The following DLGAP2 variants were observed in gnomAD, a reference collection of about 807,000 sequenced individuals.
The protein encoded by DLGAP2 is DLG associated protein 2.
In DLGAP2, 26 loss-of-function variants were observed where a neutral mutation model predicts 100.3. The ratio of observed to expected loss-of-function variants is 0.26; its 90% CI spans 0.19 to 0.36. DLGAP2 has a LOEUF of 0.36. Among genes scored for constraint, DLGAP2 ranks in the 10% least tolerant of loss-of-function variants. DLGAP2 has a pLI of 1.00. For synonymous variants in DLGAP2, 886 were observed against 630.1 expected, an observed-to-expected ratio of 1.41 and a Z score of -6.08; for missense variants, 1,858 against 1,453.2, an observed-to-expected ratio of 1.28 and a Z score of -4.53.
At chr8:1,599,870 C>A (rs1392797330) in intron 6 of DLGAP2, among the ~76,000 whole-genome samples, 1 of 152,142 alleles carries the variant, frequency 6.6e-6, no homozygotes, top group African/African-American at 2.4e-5. Context: ...AGCCTGTTTA[C>A]ATTTAACATT....
At chr8:784,946 G>T (rs560654575) in intron 1 of DLGAP2, among the ~76,000 whole-genome samples, 2 of 151,806 alleles carry the variant, frequency 1.3e-5, no homozygotes, top group South Asian at 2.1e-4. Context: ...GGTGGCTCAC[G>T]CCTGTAATCC....
At chr8:1,244,790 C>G (rs1338698902) in intron 2 of DLGAP2, among the ~76,000 whole-genome samples, 2 of 152,262 alleles carry the variant, frequency 1.3e-5, no homozygotes, top group East Asian at 3.9e-4. Flanking sequence ...TGAGCTTTAA[C>G]AAAATAAAGT....
intron 3 of DLGAP2, among the ~76,000 whole-genome samples, chr8:1,276,066 AATAT>A (rs1299587676): frequency 7.1e-6 from 1 of 141,158 alleles, no homozygotes; most frequent in African/African-American, 2.6e-5. Flanking sequence ...TATAAAAATA[AATAT>A]ATAATATATA....
intron 4 of DLGAP2, among the ~76,000 whole-genome samples, chr8:1,508,976 C>A (rs898045390): frequency 2.0e-5 from 3 of 152,046 alleles, no homozygotes; most frequent in East Asian, 1.9e-4. Flanking sequence ...ATTAATGACC[C>A]GTGAATTCAA....
chr8:844,145 A>G (rs780197577), intron 1 of DLGAP2, among the ~76,000 whole-genome samples: 4 of 152,228 alleles, frequency 2.6e-5, no homozygotes, highest in African/African-American at 4.8e-5. Context: ...CAGCTCTGCC[A>G]TTGCAGTGAA....
At chr8:1,646,273 C>G (rs1304899599) in intron 8 of DLGAP2, among the ~76,000 whole-genome samples, 1 of 152,134 alleles carries the variant, frequency 6.6e-6, no homozygotes, top group Non-Finnish European at 1.5e-5. Context: ...ATGAGCCCGC[C>G]CAGATCTCCA....
intron 3 of DLGAP2, among the ~76,000 whole-genome samples, chr8:1,462,850 A>G (rs1445864196): frequency 1.3e-5 from 2 of 152,198 alleles, no homozygotes; most frequent in Admixed American, 6.5e-5. Flanking sequence ...TCTAGGATCT[A>G]TTTTATCTGA....
At chr8:1,242,283 C>T (rs1270443428) in intron 2 of DLGAP2, among the ~76,000 whole-genome samples, 1 of 152,174 alleles carries the variant, frequency 6.6e-6, no homozygotes, top group African/African-American at 2.4e-5. Flanking sequence ...GGTTGTCAGA[C>T]ATATGAGAGG....
At chr8:1,260,994 C>T (rs1401247429) in intron 3 of DLGAP2, among the ~76,000 whole-genome samples, 1 of 152,218 alleles carries the variant, frequency 6.6e-6, no homozygotes, top group South Asian at 2.1e-4. Context: ...ACTGTCGGCT[C>T]CCAGCAAATG....
intron 3 of DLGAP2, among the ~76,000 whole-genome samples, chr8:1,320,516 G>T (rs1410242698): frequency 6.6e-6 from 1 of 152,148 alleles, no homozygotes; most frequent in African/African-American, 2.4e-5. Context: ...CAACATACGG[G>T]CACAGAGCCG....
intron 2 of DLGAP2, among the ~76,000 whole-genome samples, chr8:1,221,495 AC>A: frequency 6.6e-6 from 1 of 152,176 alleles, no homozygotes; most frequent in Non-Finnish European, 1.5e-5. Flanking sequence ...TTCCCTTGGT[AC>A]ATGACCTGCC....
chr8:1,185,412 C>G (rs1432463760), intron 2 of DLGAP2, among the ~76,000 whole-genome samples: 1 of 151,996 alleles, frequency 6.6e-6, no homozygotes, highest in Non-Finnish European at 1.5e-5. Flanking sequence ...ACCCCTAAGG[C>G]CGGTCAGCTT....
At chr8:1,317,969 CAA>C in intron 3 of DLGAP2, among the ~76,000 whole-genome samples, 1 of 43,412 alleles carries the variant, frequency 2.3e-5, no homozygotes. Flanking sequence ...AGCGTCTCTC[CAA>C]CAGTGGTCTA....
chr8:1,191,405 T>C (rs149808970), intron 2 of DLGAP2, among the ~76,000 whole-genome samples: 3,919 of 152,160 alleles, frequency 0.026, 105 homozygotes, highest in African/African-American at 0.061. Flanking sequence ...CTCCTGACCT[T>C]GTGATCTGCC....
chr8:1,483,426 C>A (rs1304178691), intron 3 of DLGAP2, among the ~76,000 whole-genome samples: 1 of 151,212 alleles, frequency 6.6e-6, no homozygotes, highest in Non-Finnish European at 1.5e-5. Flanking sequence ...GACCCAGAAG[C>A]TGAACTGCTG....
chr8:1,502,839 C>A (rs1406255734), intron 4 of DLGAP2, among the ~76,000 whole-genome samples: 19 of 152,164 alleles, frequency 1.2e-4, no homozygotes. Flanking sequence ...TTCTCCATAG[C>A]AGCGGCGCCC....
intron 4 of DLGAP2, among the ~76,000 whole-genome samples, chr8:1,517,146 G>T (rs1316668095): frequency 6.6e-6 from 1 of 152,132 alleles, no homozygotes; most frequent in African/African-American, 2.4e-5. Flanking sequence ...GGACCCCCAT[G>T]GCTGTGGGTG....
At chr8:796,811 A>G (rs145115139) in intron 1 of DLGAP2, among the ~76,000 whole-genome samples, 315 of 152,268 alleles carry the variant, frequency 2.1e-3, no homozygotes, top group Non-Finnish European at 2.7e-3. Flanking sequence ...TGGCACCATG[A>G]CAGCCAGGTG....
intron 1 of DLGAP2, among the ~76,000 whole-genome samples, chr8:769,974 G>A (rs1315080308): frequency 6.6e-6 from 1 of 152,056 alleles, no homozygotes; most frequent in Non-Finnish European, 1.5e-5. Context: ...TACACAGGAG[G>A]GTTTTCTTCC....
Sources: gnomAD v4.1 joint callset for allele counts (sites outside exome capture counted in the v4.1 genomes callset) on GRCh38, gnomAD v4.1.1 for gene constraint, MANE v1.5 for transcripts, NCBI Gene and HGNC (gene_info 2026-07-23, HGNC 2026-07-21) for gene names.